Variants in PHF5A observed in about 807,000 individuals in gnomAD.
The protein encoded by PHF5A is PHD finger protein 5A.
For missense variants in PHF5A, 24 were observed against 140.6 expected (o/e 0.17, Z 4.19); for synonymous variants, 52 against 46.0 (o/e 1.13, Z -0.52).
intron 1 of PHF5A, 151 bp downstream of exon 1, chr22:41,468,451 A>G (rs2037893307): frequency 1.2e-6 from 1 of 820,488 alleles, no homozygotes; most frequent in Admixed American, 2.6e-5. Context: ...CAGAGGCCAC[A>G]AACCTGCGCG....
chr22:41,462,228 G>A (rs1030834194), intron 3 of PHF5A, among the ~76,000 whole-genome samples: 2 of 152,160 alleles, frequency 1.3e-5, no homozygotes, highest in African/African-American at 2.4e-5. Flanking sequence ...CGGGGAAGCT[G>A]TAACTGGAAA....
chr22:41,468,259 G>A, intron 1 of PHF5A, 112 bp from the exon 2 acceptor site: 2 of 981,434 alleles, frequency 2.0e-6, no homozygotes, highest in South Asian at 1.4e-5. Context: ...CAGTGAGTGA[G>A]ACCTGCGGAT....
At chr22:41,463,594 G>A (rs763430339) in intron 3 of PHF5A, among the ~76,000 whole-genome samples, 11 of 129,142 alleles carry the variant, frequency 8.5e-5, no homozygotes, top group Non-Finnish European at 1.2e-4. Flanking sequence ...GCGTGGTGGT[G>A]CACGCCTGTA....
chr22:41,467,332 T>C, intron 3 of PHF5A, 116 bp downstream of exon 3: 2 of 1,018,000 alleles, frequency 2.0e-6, no homozygotes, highest in Non-Finnish European at 2.8e-6. Flanking sequence ...GAAGAAATTA[T>C]AACCTAGATG....
rs1200428008 is a variant in PHF5A at position 41,460,108 on chromosome 22, A to G, written c.*290T>C. ...TTTAGAAGATCTTGGTTGAGGGAGAACATACCAATATGGAGAACAGATCTT... is the reference window on the plus strand; with the variant it reads ...TTTAGAAGATCTTGGTTGAGGGAGAGCATACCAATATGGAGAACAGATCTT... On this transcript the variant is annotated 3_prime_UTR_variant, in exon 4 of 4. Transcript: ENST00000216252. The G allele has an allele frequency of 1.3e-5, 3 of 223,616 alleles. No homozygotes were observed. The highest frequency in any genetic ancestry group is 5.8e-5 in the Admixed American group (1 of 17,364). 13.9% of individuals were successfully genotyped at this position (223,616 alleles called of 1,614,324 possible).
At chr22:41,460,543 T>TA in intron 3 of PHF5A, 56 bp from the exon 4 acceptor site, 1 of 1,446,600 alleles carries the variant, frequency 6.9e-7, no homozygotes, top group South Asian at 1.3e-5. Context: ...AAGAGTGACT[T>TA]AAGATAAAAA....
At chr22:41,464,698 C>G (rs1337943234) in intron 3 of PHF5A, among the ~76,000 whole-genome samples, 1 of 152,170 alleles carries the variant, frequency 6.6e-6, no homozygotes, top group Non-Finnish European at 1.5e-5. Context: ...CTAGCTAGAC[C>G]CATGCAAAAA....
intron 3 of PHF5A, among the ~76,000 whole-genome samples, chr22:41,465,241 C>T (rs1256494474): frequency 6.6e-6 from 1 of 150,876 alleles, no homozygotes; most frequent in Non-Finnish European, 1.5e-5. Flanking sequence ...GGTGTGATCT[C>T]GGCTCAGCTG....
At chr22:41,464,818 T>C (rs2037853517) in intron 3 of PHF5A, among the ~76,000 whole-genome samples, 1 of 152,246 alleles carries the variant, frequency 6.6e-6, no homozygotes, top group East Asian at 1.9e-4. Context: ...TCACTGCTTA[T>C]AGACCAGAAG....
rs2037894547 is a variant in PHF5A at position 41,468,524 on chromosome 22, G to A, written c.52+78C>T. The A allele has an allele frequency of 1.4e-5, 21 of 1,497,874 alleles. No individual in the cohort carries two copies. In the South Asian group the frequency reaches 2.4e-4, roughly 17 times the overall value. The allele number at this position is 1,497,874 out of a possible 1,614,324, so 92.8% of individuals were successfully genotyped here. ...GGCGCCTGCGAGGCAAGCCCCTAAG[G>A]AAGAGACGGGAACCCCCGACCCCCC... On this transcript the variant is annotated intron_variant, in intron 1 of 3. Transcript: ENST00000216252.
At position 41,460,373 on chromosome 22, in the gene PHF5A, G is replaced by A. The variant is rs201597741; in HGVS notation, c.*25C>T. The A allele has an allele frequency of 7.0e-6, 11 of 1,565,194 alleles. No individual in the cohort carries two copies. The South Asian group carries it at 1.3e-4, about 18-fold the overall frequency. ...TGGCAGCTGCAGCAGACTGATGTTG[G>A]GGGGAGGAAGGGGCCACCCACCAAT... On this transcript the variant is annotated 3_prime_UTR_variant, in exon 4 of 4. Coordinates refer to ENST00000216252, the MANE Select transcript of PHF5A (RefSeq NM_032758.4).
At position 41,460,370 on chromosome 22, in the gene PHF5A, T is replaced by C; in HGVS notation, c.*28A>G. ...TTCTGGCAGCTGCAGCAGACTGATG[T>C]TGGGGGGAGGAAGGGGCCACCCACC... On this transcript the variant is annotated 3_prime_UTR_variant, in exon 4 of 4. Transcript: ENST00000216252. 1 of 1,561,264 alleles carries C rather than the reference T, an allele frequency of 6.4e-7. No homozygotes were observed. Among genetic ancestry groups the C allele is most frequent in the South Asian group, 1.2e-5 (1 of 86,056 alleles).
Position 41,468,654 on chromosome 22 carries a change from A to T in PHF5A, c.-1T>A, listed in dbSNP as rs147057892. 528 of 1,614,080 alleles carry T rather than the reference A, an allele frequency of 3.3e-4. 3 individuals are homozygous for T. The African/African-American group carries it at 6.7e-3, about 21-fold the overall frequency. ...TCAAATCAGGATGATGTTTAGCCATAGCTCCTAACTAAGCCGGCCACCGGA... is the reference window on the plus strand; with the variant it reads ...TCAAATCAGGATGATGTTTAGCCATTGCTCCTAACTAAGCCGGCCACCGGA... On this transcript the variant is annotated 5_prime_UTR_variant, in exon 1 of 4. Coordinates refer to ENST00000216252, the MANE Select transcript of PHF5A (RefSeq NM_032758.4).
chr22:41,467,393 G>A (rs1400826603), intron 3 of PHF5A, 55 bp downstream of exon 3: 2 of 1,555,134 alleles, frequency 1.3e-6, no homozygotes, highest in South Asian at 1.1e-5. Context: ...GCAGTGGATG[G>A]CAAAGTGTTA....
intron 3 of PHF5A, among the ~76,000 whole-genome samples, chr22:41,466,806 C>G (rs1478256253): frequency 6.6e-6 from 1 of 151,992 alleles, no homozygotes; most frequent in East Asian, 1.9e-4. Context: ...ACCTAGGTAA[C>G]AAAACAAGAC....
chr22:41,465,382 C>T (rs1294964907), intron 3 of PHF5A, among the ~76,000 whole-genome samples: 1 of 151,970 alleles, frequency 6.6e-6, no homozygotes, highest in Non-Finnish European at 1.5e-5. Flanking sequence ...AGGCTGCTCT[C>T]AAACTCCTGA....
chr22:41,460,257 G>A lies in PHF5A; in HGVS notation c.*141C>T, dbSNP rs1042940. On this transcript the variant is annotated 3_prime_UTR_variant, in exon 4 of 4. Transcript: ENST00000216252. ...CACGTGTCTGGGTGAAGGGAGAGGA[G>A]GGGGTGGCAAGCTGCCAGTACACTA... The A allele has an allele frequency of 4.9e-6, 3 of 615,642 alleles. No individual in the cohort carries two copies. Among genetic ancestry groups the A allele is most frequent in the African/African-American group, 3.6e-5 (2 of 54,844 alleles). 38.1% of individuals were successfully genotyped at this position (615,642 alleles called of 1,614,324 possible).
intron 2 of PHF5A, among the ~76,000 whole-genome samples, 192 bp from the exon 3 acceptor site, chr22:41,467,806 T>C (rs2037882089): frequency 6.6e-6 from 1 of 152,140 alleles, no homozygotes; most frequent in Non-Finnish European, 1.5e-5. Context: ...CATACAAAAG[T>C]TTACCAATTA....
chr22:41,462,113 C>G (rs1206501094), intron 3 of PHF5A, among the ~76,000 whole-genome samples: 1 of 152,110 alleles, frequency 6.6e-6, no homozygotes, highest in African/African-American at 2.4e-5. Context: ...GACAGGCTGC[C>G]CTGGCCATTT....
Sources: allele counts gnomAD v4.1 joint callset (sites outside exome capture counted in the v4.1 genomes callset), GRCh38; gene constraint gnomAD v4.1.1; transcripts MANE v1.5; gene names NCBI Gene and HGNC (gene_info 2026-07-23, HGNC 2026-07-21).